NAALADL2: variants seen among roughly 807,000 people sequenced by gnomAD.
The protein encoded by NAALADL2 is inactive N-acetylated-alpha-linked acidic dipeptidase-like protein 2.
NAALADL2 carries 76 observed loss-of-function variants against 87.2 expected under a neutral mutation model. The ratio of observed to expected loss-of-function variants is 0.87; its 90% confidence interval spans 0.72 to 1.05. NAALADL2 has a LOEUF of 1.05. Ranked by LOEUF, NAALADL2 falls within the 50% of genes least tolerant of loss-of-function variation. The pLI is 0.00. For synonymous variants in NAALADL2, 354 were observed against 331.0 expected (o/e 1.07, Z -0.75); for missense variants, 1,089 against 945.8 (o/e 1.15, Z -1.99).
intron 2 of NAALADL2, among the ~76,000 whole-genome samples, chr3:174,567,813 A>G (rs2108526567): frequency 6.6e-6 from 1 of 151,860 alleles, no homozygotes; most frequent in South Asian, 2.1e-4. Context: ...GTAGTCTCCC[A>G]AAAAATGAAA....
At chr3:175,636,121 T>C (rs1308736055) in intron 11 of NAALADL2, among the ~76,000 whole-genome samples, 2 of 152,040 alleles carry the variant, frequency 1.3e-5, no homozygotes, top group African/African-American at 4.8e-5. Flanking sequence ...ATATATGATA[T>C]GGGCTAATTA....
chr3:175,241,282 G>A (rs1746828039), intron 3 of NAALADL2, among the ~76,000 whole-genome samples: 1 of 151,974 alleles, frequency 6.6e-6, no homozygotes, highest in Non-Finnish European at 1.5e-5. Flanking sequence ...GTGCAGTGGT[G>A]CAACCTCGGC....
intron 2 of NAALADL2, among the ~76,000 whole-genome samples, chr3:175,159,728 T>G (rs1409828759): frequency 1.3e-5 from 2 of 152,152 alleles, no homozygotes; most frequent in East Asian, 3.9e-4. Context: ...TGTGGCAGTT[T>G]TGTTAAGATT....
chr3:175,103,904 A>G (rs966418834), intron 2 of NAALADL2, among the ~76,000 whole-genome samples: 36 of 152,140 alleles, frequency 2.4e-4, no homozygotes, highest in African/African-American at 8.7e-4. Flanking sequence ...ATCTCTGTCC[A>G]ATCTACCTAG....
chr3:175,062,697 T>C (rs1254620759), intron 1 of NAALADL2, among the ~76,000 whole-genome samples: 2 of 152,186 alleles, frequency 1.3e-5, no homozygotes, highest in East Asian at 3.8e-4. Context: ...TTTATAAACT[T>C]AATCTTAACC....
chr3:174,609,647 C>G (rs971132341), intron 2 of NAALADL2, among the ~76,000 whole-genome samples: 9 of 152,132 alleles, frequency 5.9e-5, no homozygotes, highest in South Asian at 2.1e-4. Flanking sequence ...ACAAACCACT[C>G]CTCAATGAAA....
intron 2 of NAALADL2, among the ~76,000 whole-genome samples, chr3:175,207,975 G>C (rs998613375): frequency 1.3e-5 from 2 of 151,902 alleles, no homozygotes; most frequent in African/African-American, 2.4e-5. Context: ...ACTGAACGAG[G>C]GCATAAAAGC....
At chr3:175,508,908 G>A (rs1342197483) in intron 9 of NAALADL2, among the ~76,000 whole-genome samples, 1 of 151,968 alleles carries the variant, frequency 6.6e-6, no homozygotes, top group African/African-American at 2.4e-5. Flanking sequence ...CCGAGGTCAG[G>A]AGTTCAAGAC....
chr3:174,794,956 T>G (rs1472028755), intron 3 of NAALADL2, among the ~76,000 whole-genome samples: 1 of 145,748 alleles, frequency 6.9e-6, no homozygotes, highest in Non-Finnish European at 1.5e-5. Context: ...TGTGTTTAAT[T>G]TAAAAGTTGA....
At chr3:174,684,957 C>T (rs1727892372) in intron 2 of NAALADL2, among the ~76,000 whole-genome samples, 1 of 152,118 alleles carries the variant, frequency 6.6e-6, no homozygotes, top group Non-Finnish European at 1.5e-5. Context: ...CCTCATTCAT[C>T]TTCTTGTCTG....
At chr3:174,641,578 A>C (rs1348349626) in intron 2 of NAALADL2, among the ~76,000 whole-genome samples, 1 of 152,178 alleles carries the variant, frequency 6.6e-6, no homozygotes, top group African/African-American at 2.4e-5. Flanking sequence ...CTGGGAATTC[A>C]ACACGTCAAT....
intron 9 of NAALADL2, among the ~76,000 whole-genome samples, chr3:175,478,966 C>G (rs568745270): frequency 1.3e-4 from 20 of 151,882 alleles, no homozygotes. Context: ...TTACATAACA[C>G]TACAATAGTG....
intron 1 of NAALADL2, among the ~76,000 whole-genome samples, chr3:175,009,418 G>A (rs1357964804): frequency 2.0e-5 from 3 of 152,098 alleles, no homozygotes; most frequent in Non-Finnish European, 4.4e-5. Flanking sequence ...ATAAACGAAA[G>A]CCATGTTTTC....
intron 1 of NAALADL2, among the ~76,000 whole-genome samples, chr3:174,448,531 T>A (rs1162945827): frequency 6.6e-6 from 1 of 152,178 alleles, no homozygotes; most frequent in South Asian, 2.1e-4. Context: ...ACTGTATTAT[T>A]TTTAGAATGG....
At chr3:175,130,405 A>T (rs1727643403) in intron 2 of NAALADL2, among the ~76,000 whole-genome samples, 1 of 152,170 alleles carries the variant, frequency 6.6e-6, no homozygotes, top group African/African-American at 2.4e-5. Flanking sequence ...TATCGTATCC[A>T]AAAAGTCTTT....
chr3:175,055,333 A>G (rs1480240435), intron 1 of NAALADL2, among the ~76,000 whole-genome samples: 2 of 152,228 alleles, frequency 1.3e-5, no homozygotes, highest in Non-Finnish European at 2.9e-5. Context: ...ATCTGAGTCA[A>G]TGAATCCTGT....
At chr3:175,387,544 A>G (rs954844997) in intron 5 of NAALADL2, among the ~76,000 whole-genome samples, 1 of 152,094 alleles carries the variant, frequency 6.6e-6, no homozygotes, top group African/African-American at 2.4e-5. Flanking sequence ...ACTTTTGAAT[A>G]TGTAAGAAAT....
chr3:175,300,826 T>C (rs1232379990), intron 4 of NAALADL2, among the ~76,000 whole-genome samples: 1 of 151,694 alleles, frequency 6.6e-6, no homozygotes, highest in East Asian at 1.9e-4. Context: ...CACTGCAACC[T>C]CCGCCTCCCA....
intron 1 of NAALADL2, among the ~76,000 whole-genome samples, chr3:174,978,596 ATACT>A (rs1193920278): frequency 6.6e-6 from 1 of 152,200 alleles, no homozygotes; most frequent in Non-Finnish European, 1.5e-5. Context: ...TGCCCTTTTA[ATACT>A]TACTATATGT....
Sources: gnomAD v4.1 joint callset for allele counts (sites outside exome capture counted in the v4.1 genomes callset) on GRCh38, gnomAD v4.1.1 for gene constraint, MANE v1.5 for transcripts, NCBI Gene and HGNC (gene_info 2026-07-23, HGNC 2026-07-21) for gene names.